The following KCNT2 variants were observed in gnomAD, a reference collection of about 807,000 sequenced individuals.
KCNT2 encodes the protein potassium channel subfamily T member 2.
A neutral mutation model predicts 153.8 loss-of-function variants in KCNT2; 67 were observed. That is an observed-to-expected ratio of 0.44 (90% CI 0.36 to 0.53). KCNT2 has a LOEUF of 0.53. Among genes scored for constraint, KCNT2 ranks in the 20% least tolerant of loss-of-function variants. KCNT2 has a pLI of 0.00. For synonymous variants in KCNT2, 500 were observed against 458.8 expected (o/e 1.09, Z -1.15); for missense variants, 975 against 1,354.8 (o/e 0.72, Z 4.40).
rs1236281839 is a variant in KCNT2 at position 196,390,932 on chromosome 1, C to T, written c.1294+7631G>A. ...TTAAAAAAAAACATATGTTAGGAGACTCTTTTCAAACCAAAACCAATTACT... is the reference window on the plus strand; with the variant it reads ...TTAAAAAAAAACATATGTTAGGAGATTCTTTTCAAACCAAAACCAATTACT... On this transcript the variant is annotated intron_variant, in intron 13 of 27. Coordinates refer to ENST00000294725, the MANE Select transcript of KCNT2 (RefSeq NM_198503.5). 5.1e-5 allele frequency among the ~76,000 whole-genome samples: 7 copies of T among 136,446 alleles called. No individual in the cohort carries two copies. In the Admixed American group the frequency reaches 5.4e-4, roughly 11 times the overall value. The allele number at this position is 136,446 out of a possible 152,430, so 89.5% of individuals were successfully genotyped here.
At chr1:196,607,374 C>A (rs1194309303) in intron 1 of KCNT2, among the ~76,000 whole-genome samples, 2 of 152,124 alleles carry the variant, frequency 1.3e-5, no homozygotes, top group African/African-American at 4.8e-5. Context: ...CGCTGAAATA[C>A]AAAATGTGCT....
chr1:196,337,575 C>T (rs1399064743), intron 16 of KCNT2, among the ~76,000 whole-genome samples: 1 of 152,108 alleles, frequency 6.6e-6, no homozygotes, highest in African/African-American at 2.4e-5. Flanking sequence ...CCAGCATTCA[C>T]TGTGTTTGAG....
intron 12 of KCNT2, among the ~76,000 whole-genome samples, chr1:196,400,861 A>G (rs759451450): frequency 3.3e-5 from 5 of 151,822 alleles, no homozygotes; most frequent in Admixed American, 6.6e-5. Flanking sequence ...GAGGAAAATT[A>G]AAACTTGGAG....
At chr1:196,413,401 A>T (rs535922084) in intron 12 of KCNT2, among the ~76,000 whole-genome samples, 36 of 151,664 alleles carry the variant, frequency 2.4e-4, no homozygotes, top group Non-Finnish European at 4.4e-4. Context: ...AAATGTTTGG[A>T]TCCTTTTTTT....
chr1:196,323,956 C>A (rs181542152), intron 19 of KCNT2, among the ~76,000 whole-genome samples: 3 of 147,364 alleles, frequency 2.0e-5, no homozygotes, highest in Admixed American at 2.0e-4. Flanking sequence ...CAACAGGCAT[C>A]TAATTGTTAA....
At chr1:196,416,895 A>G (rs1672800513) in intron 12 of KCNT2, among the ~76,000 whole-genome samples, 1 of 151,832 alleles carries the variant, frequency 6.6e-6, no homozygotes, top group Non-Finnish European at 1.5e-5. Context: ...GTACCCATTA[A>G]CCATCCCAAT....
intron 1 of KCNT2, among the ~76,000 whole-genome samples, chr1:196,509,258 C>T (rs1247894558): frequency 7.0e-5 from 9 of 127,870 alleles, no homozygotes; most frequent in African/African-American, 2.7e-4. Flanking sequence ...AAAAAAAAAG[C>T]GAAACTCCGA....
chr1:196,501,411 A>G (rs571382189), intron 1 of KCNT2, among the ~76,000 whole-genome samples: 53 of 152,216 alleles, frequency 3.5e-4, no homozygotes, highest in Middle Eastern at 3.2e-3. Context: ...GGTATAAAAA[A>G]AGAAAAATAA....
At position 196,496,965 on chromosome 1, in the gene KCNT2, A is replaced by G. The variant is rs111633185; in HGVS notation, c.96-4624T>C. Among the ~76,000 whole-genome samples, 604 of 152,330 alleles carry G rather than the reference A, an allele frequency of 4.0e-3. 3 individuals are homozygous for G. The highest frequency in any genetic ancestry group is 0.014 in the African/African-American group (575 of 41,568). On this transcript the variant is annotated intron_variant, in intron 1 of 27. Coordinates refer to ENST00000294725, the MANE Select transcript of KCNT2 (RefSeq NM_198503.5). Reference sequence around the variant, plus strand: ...AGATTTTTTTTCTCAACAATATTATAACAAAACAATGTTGAATGAAATGGC... The same window carrying G: ...AGATTTTTTTTCTCAACAATATTATGACAAAACAATGTTGAATGAAATGGC...
At chr1:196,457,430 A>C (rs1676772111) in intron 8 of KCNT2, among the ~76,000 whole-genome samples, 1 of 151,568 alleles carries the variant, frequency 6.6e-6, no homozygotes, top group African/African-American at 2.4e-5. Context: ...TTGATTAATG[A>C]AAAAGGCATA....
intron 8 of KCNT2, among the ~76,000 whole-genome samples, chr1:196,461,848 A>G (rs1345299048): frequency 6.6e-6 from 1 of 151,684 alleles, no homozygotes; most frequent in Non-Finnish European, 1.5e-5. Flanking sequence ...TTGGCACTAA[A>G]CATGTGTCTC....
intron 1 of KCNT2, among the ~76,000 whole-genome samples, chr1:196,552,105 T>C (rs1436230474): frequency 6.6e-6 from 1 of 151,440 alleles, no homozygotes; most frequent in East Asian, 1.9e-4. Flanking sequence ...CATAGTTACC[T>C]ACAAAATTCC....
chr1:196,370,151 A>G (rs1172225056), intron 14 of KCNT2, among the ~76,000 whole-genome samples: 2 of 152,204 alleles, frequency 1.3e-5, no homozygotes, highest in Non-Finnish European at 2.9e-5. Flanking sequence ...CCATTGTGGA[A>G]GAATAAATTT....
At chr1:196,344,867 G>A (rs573254452) in intron 14 of KCNT2, among the ~76,000 whole-genome samples, 2 of 151,572 alleles carry the variant, frequency 1.3e-5, no homozygotes, top group African/African-American at 2.4e-5. Context: ...ATGTCATTTC[G>A]TTGGAATTTT....
intron 13 of KCNT2, among the ~76,000 whole-genome samples, chr1:196,380,179 A>G (rs1572233045): frequency 1.3e-5 from 2 of 152,332 alleles, no homozygotes; most frequent in African/African-American, 4.8e-5. Context: ...ATAAGCATCA[A>G]ATTGTCAATA....
At chr1:196,500,534 CAAATAGTGGGCTATCCCCAT>C (rs1680618069) in intron 1 of KCNT2, among the ~76,000 whole-genome samples, 1 of 152,186 alleles carries the variant, frequency 6.6e-6, no homozygotes. Context: ...GATCCACCCA[CAAATAGTGGGCTATCCCCAT>C]AAATAGTGGG....
chr1:196,541,053 G>A (rs974899732), intron 1 of KCNT2, among the ~76,000 whole-genome samples: 4 of 151,668 alleles, frequency 2.6e-5, no homozygotes, highest in African/African-American at 7.3e-5. Flanking sequence ...GTGACAGAGC[G>A]AGAGTCCGTC....
intron 25 of KCNT2, among the ~76,000 whole-genome samples, chr1:196,270,848 T>TGC (rs1196475412): frequency 1.8e-4 from 27 of 151,824 alleles, no homozygotes; most frequent in African/African-American, 6.3e-4. Context: ...TGTGTGTGTG[T>TGC]GTGCATGTAT....
intron 22 of KCNT2, among the ~76,000 whole-genome samples, chr1:196,300,424 TA>T (rs1201304736): frequency 2.0e-5 from 3 of 152,156 alleles, no homozygotes; most frequent in African/African-American, 7.2e-5. Flanking sequence ...GGATGGACTC[TA>T]ACCTTCTCTC....
Sources: allele counts gnomAD v4.1 joint callset (sites outside exome capture counted in the v4.1 genomes callset), GRCh38; gene constraint gnomAD v4.1.1; transcripts MANE v1.5; gene names NCBI Gene and HGNC (gene_info 2026-07-23, HGNC 2026-07-21).